The following IGF1 variants were observed in gnomAD, a reference collection of about 807,000 sequenced individuals.
IGF1 encodes the protein insulin-like growth factor 1.
Under a neutral mutation model 13.8 loss-of-function variants are expected in IGF1, and 4 were observed. The observed-to-expected ratio is 0.29, with a 90% CI of 0.14 to 0.66. The LOEUF is 0.66. Ranked by LOEUF, IGF1 falls within the 30% of genes least tolerant of loss-of-function variation. IGF1 has a pLI of 0.78. For synonymous variants in IGF1, 76 were observed against 72.6 expected (o/e 1.05, Z -0.23); for missense variants, 124 against 188.5 (o/e 0.66, Z 2.00).
chr12:102,438,563 G>T (rs781244138), intron 2 of IGF1, among the ~76,000 whole-genome samples: 10 of 152,040 alleles, frequency 6.6e-5, no homozygotes, highest in Non-Finnish European at 1.5e-4. Context: ...ATAGACCACC[G>T]GACTCTCATT....
Position 102,419,657 on chromosome 12 carries a change from C to G in IGF1, c.254G>C (p.Arg85Thr). ...KPTGYGSSSR[R>T]APQTGIVDEC... ...ATCCACGATGCCTGTCTGAGGCGCC[C>G]TCCGACTGCTGGAGCCATACCCTGT... is the stretch of plus-strand genomic sequence containing the variant. Residue 85 changes from arginine (R) to threonine (T), a missense_variant, in exon 3 of 4, where the codon AGG becomes ACG. Arg to Thr is a moderately conservative substitution (Grantham distance 71). Transcript: ENST00000337514. 1 of 1,613,268 alleles carries G rather than the reference C, an allele frequency of 6.2e-7. No homozygotes were observed. The highest frequency in any genetic ancestry group is 8.5e-7 in the Non-Finnish European group (1 of 1,180,024).
chr12:102,456,849 A>G (rs1379865102), intron 2 of IGF1, among the ~76,000 whole-genome samples: 2 of 152,170 alleles, frequency 1.3e-5, no homozygotes, highest in East Asian at 3.9e-4. Context: ...ATCTTGGCTA[A>G]CCCACTTTCA....
chr12:102,456,221 GGTGTGTGTGTGTGTGTGTGTGTGT>G (rs59075811), intron 2 of IGF1, among the ~76,000 whole-genome samples: 5 of 140,188 alleles, frequency 3.6e-5, no homozygotes, highest in South Asian at 2.5e-4. Context: ...ATTTAAAAAA[GGTGTGTGTGTGTGTGTGTGTGTGT>G]GTGTGTGTGT....
At position 102,428,226 on chromosome 12, in the gene IGF1, T is replaced by C. The variant is rs1289649149; in HGVS notation, c.221-8536A>G. Among the ~76,000 whole-genome samples the C allele has an allele frequency of 2.5e-4, 8 of 32,398 alleles. No individual in the cohort carries two copies. In the East Asian group the frequency reaches 4.3e-3, roughly 17 times the overall value. The allele number at this position is 32,398 out of a possible 152,430, so 21.3% of individuals were successfully genotyped here. On this transcript the variant is annotated intron_variant, in intron 2 of 3. Transcript: ENST00000337514. ...TGGTCATGAACGACCCACTTTGTAA[T>C]CAATAATGTGTATATATATATATGG... is the stretch of plus-strand genomic sequence containing the variant.
chr12:102,434,053 A>G (rs1230096068), intron 2 of IGF1, among the ~76,000 whole-genome samples: 2 of 152,170 alleles, frequency 1.3e-5, no homozygotes, highest in East Asian at 3.8e-4. Flanking sequence ...GATGCTGGCT[A>G]AACCATTTCT....
At chr12:102,453,345 A>G (rs1879122000) in intron 2 of IGF1, among the ~76,000 whole-genome samples, 1 of 152,170 alleles carries the variant, frequency 6.6e-6, no homozygotes, top group South Asian at 2.1e-4. Flanking sequence ...ATTTGGAAAG[A>G]TGATCTTAAA....
intron 2 of IGF1, among the ~76,000 whole-genome samples, chr12:102,420,578 T>C (rs1875619352): frequency 1.3e-5 from 2 of 152,156 alleles, no homozygotes; most frequent in Non-Finnish European, 2.9e-5. Flanking sequence ...TACAGAAGTC[T>C]TGGGACTTGA....
At chr12:102,457,675 T>C (rs1372385276) in intron 2 of IGF1, among the ~76,000 whole-genome samples, 1 of 152,222 alleles carries the variant, frequency 6.6e-6, no homozygotes. Flanking sequence ...TTTTGTATTC[T>C]TTTGGAAATT....
chr12:102,466,372 G>A (rs1306447514), intron 2 of IGF1, among the ~76,000 whole-genome samples: 2 of 152,116 alleles, frequency 1.3e-5, no homozygotes, highest in African/African-American at 2.4e-5. Context: ...TTGCCCCCAG[G>A]GGTACATTTG....
chr12:102,441,958 T>TTCTTCTTCTTCTTCTTCTTCTTCTTC (rs1180940405), intron 2 of IGF1, among the ~76,000 whole-genome samples: 62 of 41,164 alleles, frequency 1.5e-3, no homozygotes, highest in South Asian at 8.1e-3. Flanking sequence ...TCTTCTTCTT[T>TTCTTCTTCTTCTTCTTCTTCTTCTTC]TTTTTTTTTG....
chr12:102,474,446 A>G (rs949710575), intron 2 of IGF1, among the ~76,000 whole-genome samples: 1 of 152,120 alleles, frequency 6.6e-6, no homozygotes, highest in Admixed American at 6.5e-5. Flanking sequence ...GATCGCCAAT[A>G]CCCTCACAAG....
At chr12:102,441,957 T>TCTCCTTCTCCTTCTCCTTCTCCTTCTCC (rs71438463) in intron 2 of IGF1, among the ~76,000 whole-genome samples, 3 of 134,678 alleles carry the variant, frequency 2.2e-5, no homozygotes, top group African/African-American at 5.5e-5. Context: ...TTCTTCTTCT[T>TCTCCTTCTCCTTCTCCTTCTCCTTCTCC]TTTTTTTTTT....
rs759321192 is a variant in IGF1 at position 102,475,653 on chromosome 12, G to T, written c.210C>A (p.Gly70=). The T allele has an allele frequency of 5.6e-6, 9 of 1,614,060 alleles. No homozygotes were observed. Among genetic ancestry groups the T allele is most frequent in the Non-Finnish European group, 7.6e-6 (9 of 1,180,050 alleles). ...DALQFVCGDR[G]FYFNKPTGYG... is the part of the protein sequence containing the mutation. ...GGGAGGGCTACTTACTGAAATAAAA[G>T]CCCCTGTCTCCACACACGAACTGAA... is the stretch of plus-strand genomic sequence containing the variant. Residue 70 remains glycine (G), a synonymous_variant, in exon 2 of 4, where the codon GGC becomes GGA. Transcript: ENST00000337514.
In IGF1 at chr12:102,401,990, G is replaced by A. The variant is rs1327977837; in HGVS notation, c.*517C>T. 6.6e-6 allele frequency: 1 copy of A among 152,614 alleles called. No homozygotes were observed. Among genetic ancestry groups the A allele is most frequent in the Non-Finnish European group, 1.5e-5 (1 of 68,096 alleles). The allele number at this position is 152,614 out of a possible 1,614,324, so 9.5% of individuals were successfully genotyped here. The stretch of plus-strand genomic sequence containing the variant: ...GCTGCTTTTGAGGAGGCCAAATTCG[G>A]CAAATATAAAGGTTATGAAGGGAGG... On this transcript the variant is annotated 3_prime_UTR_variant, in exon 4 of 4. Coordinates refer to ENST00000337514, the MANE Select transcript of IGF1 (RefSeq NM_000618.5).
At chr12:102,477,864 T>C (rs1476706821) in intron 1 of IGF1, among the ~76,000 whole-genome samples, 1 of 152,220 alleles carries the variant, frequency 6.6e-6, no homozygotes, top group Non-Finnish European at 1.5e-5. Flanking sequence ...ATAGCCTTAG[T>C]GAATTTCAAA....
At chr12:102,438,008 T>G (rs7300373) in intron 2 of IGF1, among the ~76,000 whole-genome samples, 2,015 of 152,222 alleles carry the variant, frequency 0.013, 57 homozygotes, top group African/African-American at 0.045. Flanking sequence ...TCCTTAGAAA[T>G]CCTCCAGTTC....
chr12:102,463,758 T>C (rs891998596), intron 2 of IGF1, among the ~76,000 whole-genome samples: 1 of 152,190 alleles, frequency 6.6e-6, no homozygotes, highest in Admixed American at 6.5e-5. Flanking sequence ...CATATGAGTT[T>C]ATTGAGGTTA....
intron 1 of IGF1, among the ~76,000 whole-genome samples, chr12:102,476,067 A>G (rs141278091): frequency 6.6e-6 from 1 of 152,280 alleles, no homozygotes; most frequent in Non-Finnish European, 1.5e-5. Context: ...TTCCTATTTC[A>G]ATGAATTGAG....
intron 2 of IGF1, among the ~76,000 whole-genome samples, chr12:102,448,121 G>A (rs1436689555): frequency 1.3e-5 from 2 of 149,542 alleles, no homozygotes; most frequent in Non-Finnish European, 1.5e-5. Context: ...CATTGTGGAA[G>A]TCAGTGTGGC....
Sources: gnomAD v4.1 joint callset for allele counts (sites outside exome capture counted in the v4.1 genomes callset) on GRCh38, gnomAD v4.1.1 for gene constraint, MANE v1.5 for transcripts, NCBI Gene and HGNC (gene_info 2026-07-23, HGNC 2026-07-21) for gene names.